SDCCAG8: variants seen among roughly 807,000 people sequenced by gnomAD.
The protein encoded by SDCCAG8 is SHH signaling and ciliogenesis regulator SDCCAG8, also known as serologically defined colon cancer antigen 8.
SDCCAG8 carries 74 observed loss-of-function variants against 101.8 expected under a neutral mutation model. The observed-to-expected ratio is 0.73, with a 90% CI of 0.60 to 0.88. The LOEUF (loss-of-function observed/expected upper bound fraction) is 0.88, where lower values mean the gene tolerates loss of function less well. Ranked by LOEUF, SDCCAG8 falls within the 40% of genes least tolerant of loss-of-function variation. SDCCAG8 has a pLI of 0.00. For missense variants in SDCCAG8, 787 were observed against 822.6 expected (o/e 0.96, Z 0.53); for synonymous variants, 281 against 292.9 (o/e 0.96, Z 0.41).
intron 12 of SDCCAG8, among the ~76,000 whole-genome samples, chr1:243,352,636 C>A (rs932010999): frequency 6.6e-6 from 1 of 152,090 alleles, no homozygotes; most frequent in Non-Finnish European, 1.5e-5. Flanking sequence ...TACCTATATC[C>A]AATATAAATA....
At chr1:243,399,993 C>A (rs1196085029) in intron 13 of SDCCAG8, among the ~76,000 whole-genome samples, 1 of 152,242 alleles carries the variant, frequency 6.6e-6, no homozygotes, top group East Asian at 1.9e-4. Context: ...ACCCAAGTCA[C>A]AGCACTGCTA....
chr1:243,408,199 T>G (rs1004653160), intron 13 of SDCCAG8, among the ~76,000 whole-genome samples: 1 of 152,206 alleles, frequency 6.6e-6, no homozygotes, highest in Non-Finnish European at 1.5e-5. Flanking sequence ...ATTCATTCGT[T>G]TATTCATTCA....
chr1:243,463,951 G>A (rs1158156620), intron 16 of SDCCAG8, among the ~76,000 whole-genome samples: 3 of 152,164 alleles, frequency 2.0e-5, no homozygotes, highest in Non-Finnish European at 4.4e-5. Context: ...GCAGGGGTAG[G>A]TGCCATTGGC....
intron 8 of SDCCAG8, among the ~76,000 whole-genome samples, chr1:243,315,558 T>A (rs1295098482): frequency 2.6e-5 from 4 of 152,238 alleles, no homozygotes; most frequent in African/African-American, 7.2e-5. Context: ...TGCTAATAAT[T>A]GTAACTTTGT....
intron 6 of SDCCAG8, among the ~76,000 whole-genome samples, chr1:243,301,057 G>A (rs1344293987): frequency 6.6e-6 from 1 of 152,066 alleles, no homozygotes; most frequent in African/African-American, 2.4e-5. Flanking sequence ...ACACAAATCT[G>A]TTATAAAAAG....
intron 12 of SDCCAG8, among the ~76,000 whole-genome samples, chr1:243,377,458 C>T (rs746368716): frequency 1.3e-5 from 2 of 151,800 alleles, no homozygotes; most frequent in African/African-American, 2.4e-5. Flanking sequence ...TACAGAAAAT[C>T]TACAGTGAAT....
chr1:243,319,617 C>G (rs1423906949), intron 9 of SDCCAG8, among the ~76,000 whole-genome samples: 1 of 152,092 alleles, frequency 6.6e-6, no homozygotes, highest in East Asian at 1.9e-4. Context: ...AGGTGATGCA[C>G]CCATCTTGGC....
intron 6 of SDCCAG8, among the ~76,000 whole-genome samples, chr1:243,295,091 A>C (rs527322737): frequency 6.6e-6 from 1 of 152,290 alleles, no homozygotes; most frequent in African/African-American, 2.4e-5. Context: ...AAGACTAAGT[A>C]AATTGTATCT....
intron 13 of SDCCAG8, among the ~76,000 whole-genome samples, chr1:243,396,633 T>A (rs2079053101): frequency 6.6e-6 from 1 of 152,260 alleles, no homozygotes; most frequent in African/African-American, 2.4e-5. Context: ...TTATATAGTG[T>A]AAACTTGTTT....
intron 10 of SDCCAG8, among the ~76,000 whole-genome samples, chr1:243,339,563 C>A (rs971136077): frequency 6.6e-6 from 1 of 152,132 alleles, no homozygotes; most frequent in African/African-American, 2.4e-5. Context: ...GATTTGTAGA[C>A]AATCCTTTGA....
At chr1:243,332,261 G>A (rs999430013) in intron 10 of SDCCAG8, among the ~76,000 whole-genome samples, 1 of 152,214 alleles carries the variant, frequency 6.6e-6, no homozygotes, top group African/African-American at 2.4e-5. Context: ...AAATCCATAT[G>A]AAGGATTTTC....
intron 6 of SDCCAG8, among the ~76,000 whole-genome samples, chr1:243,295,739 G>A (rs1025837938): frequency 4.6e-5 from 7 of 152,036 alleles, no homozygotes; most frequent in Admixed American, 2.6e-4. Context: ...GTTGAAATGC[G>A]CCCTCTCATT....
intron 13 of SDCCAG8, among the ~76,000 whole-genome samples, chr1:243,401,821 TCTC>T (rs2079417965): frequency 6.6e-6 from 1 of 152,236 alleles, no homozygotes; most frequent in Non-Finnish European, 1.5e-5. Context: ...TCAGAATTCT[TCTC>T]CTTTGTTTCT....
At chr1:243,380,998 A>C (rs2077910178) in intron 13 of SDCCAG8, among the ~76,000 whole-genome samples, 1 of 151,918 alleles carries the variant, frequency 6.6e-6, no homozygotes, top group African/African-American at 2.4e-5. Flanking sequence ...GATTCAGTAT[A>C]CTCAGGTGTG....
At chr1:243,300,373 G>C (rs1212682321) in intron 6 of SDCCAG8, among the ~76,000 whole-genome samples, 2 of 151,952 alleles carry the variant, frequency 1.3e-5, no homozygotes, top group Non-Finnish European at 2.9e-5. Context: ...CCTACTGCTT[G>C]ATTGCTTTTG....
chr1:243,264,050 C>G (rs61833910), intron 1 of SDCCAG8, among the ~76,000 whole-genome samples: 7,899 of 152,234 alleles, frequency 0.052, 251 homozygotes, highest in Middle Eastern at 0.16. Flanking sequence ...ATCTCGGCCT[C>G]GGGAGGAATG....
intron 9 of SDCCAG8, among the ~76,000 whole-genome samples, chr1:243,326,916 T>C (rs2074186851): frequency 6.6e-6 from 1 of 152,306 alleles, no homozygotes; most frequent in Non-Finnish European, 1.5e-5. Flanking sequence ...TGCCTACCCT[T>C]TGGCTTAATA....
intron 16 of SDCCAG8, among the ~76,000 whole-genome samples, chr1:243,478,394 C>T (rs1316038132): frequency 1.3e-5 from 2 of 152,166 alleles, no homozygotes; most frequent in East Asian, 3.9e-4. Flanking sequence ...TGCCTCTCAG[C>T]CCTAACATAA....
At chr1:243,258,537 T>A (rs970280189) in intron 1 of SDCCAG8, among the ~76,000 whole-genome samples, 1 of 152,148 alleles carries the variant, frequency 6.6e-6, no homozygotes, top group East Asian at 1.9e-4. Context: ...CCCAAGTAGC[T>A]GGGATTACAG....
Sources: gnomAD v4.1 joint callset for allele counts (sites outside exome capture counted in the v4.1 genomes callset) on GRCh38, gnomAD v4.1.1 for gene constraint, MANE v1.5 for transcripts, NCBI Gene and HGNC (gene_info 2026-07-23, HGNC 2026-07-21) for gene names.